The following SEMA6C variants were observed in gnomAD, a reference collection of about 807,000 sequenced individuals.
The protein encoded by SEMA6C is semaphorin 6C.
A neutral mutation model predicts 72.9 loss-of-function variants in SEMA6C; 37 were observed. The ratio of observed to expected loss-of-function variants is 0.51; its 90% CI spans 0.39 to 0.67. The LOEUF is 0.67. SEMA6C is among the 30% of genes least tolerant of loss of function. SEMA6C has a pLI of 0.00. For synonymous variants in SEMA6C, 578 were observed against 554.1 expected, an observed-to-expected ratio of 1.04 and a Z score of -0.61; for missense variants, 1,189 against 1,263.6, an observed-to-expected ratio of 0.94 and a Z score of 0.89.
chr1:151,141,307 A>G (rs1440362274), intron 3 of SEMA6C, among the ~76,000 whole-genome samples: 1 of 152,228 alleles, frequency 6.6e-6, no homozygotes, highest in African/African-American at 2.4e-5. Context: ...TAAGAATAAC[A>G]GGAAACACAT....
rs1373183738 is a variant in SEMA6C at position 151,133,902 on chromosome 1, G to C, written c.1760-385C>G. 7.3e-7 allele frequency: 1 copy of C among 1,373,724 alleles called. No individual in the cohort carries two copies. Among genetic ancestry groups the C allele is most frequent in the African/African-American group, 1.4e-5 (1 of 69,538 alleles). The allele number at this position is 1,373,724 out of a possible 1,614,324, so 85.1% of individuals were successfully genotyped here. On this transcript the variant is annotated intron_variant, in intron 18 of 18. Transcript: ENST00000368914. The surrounding 1 kb of genome is among the most constrained non-coding windows in gnomAD (Gnocchi z 5.9). ...CACCATTCAGTGAGGGGCTTAGAAC[G>C]CTCCGAGAATCAGCAGCCCCACACT...
rs1272043877 is a variant in SEMA6C, at chr1:151,132,915, C to A, written c.2362G>T (p.Ala788Ser). 3 of 1,377,178 alleles carry A rather than the reference C, an allele frequency of 2.2e-6. No homozygotes were observed. The East Asian group carries it at 1.1e-4, about 50-fold the overall frequency. The allele number at this position is 1,377,178 out of a possible 1,614,324, so 85.3% of individuals were successfully genotyped here. Residue 788 changes from alanine to serine, a missense_variant, in exon 19 of 19, where the codon GCC (alanine) becomes TCC (serine). Ala to Ser is a moderately conservative substitution (Grantham distance 99). Coordinates refer to ENST00000368914, the MANE Select transcript of SEMA6C (RefSeq NM_030913.6). The stretch of plus-strand genomic sequence containing the variant: ...GGGAGCGCCCGCGAGGTTAAAGGGG[C>A]GGGGGGCTCGGCCCCCTTTCTGGGC... ...QPPRKGAEPP[A>S]PLTSRALPPE... is the part of the protein sequence containing the mutation.
intron 10 of SEMA6C, among the ~76,000 whole-genome samples, chr1:151,137,338 C>T (rs587629483): frequency 2.7e-5 from 4 of 150,002 alleles, no homozygotes; most frequent in Non-Finnish European, 4.4e-5. Flanking sequence ...CCCAGCTGCT[C>T]GGGAGGCTGA....
chr1:151,132,091 A>T lies in SEMA6C; in HGVS notation c.*393T>A. 1.4e-6 allele frequency: 1 copy of T among 738,278 alleles called. No individual in the cohort carries two copies. Among genetic ancestry groups the T allele is most frequent in the Non-Finnish European group, 1.9e-6 (1 of 525,026 alleles). 45.7% of individuals were successfully genotyped at this position (738,278 alleles called of 1,614,324 possible). A position where few individuals can be genotyped will look rare whatever the true frequency, so the allele number is the denominator to read the frequency against. On this transcript the variant is annotated 3_prime_UTR_variant, in exon 19 of 19. Transcript: ENST00000368914. ...GCTGTATTGGGAAGCGGAGGCTCCTACACAGTAGGAGAGGCACGTCCCAGA... is the reference window on the plus strand; with the variant it reads ...GCTGTATTGGGAAGCGGAGGCTCCTTCACAGTAGGAGAGGCACGTCCCAGA...
chr1:151,136,720 AG>A, intron 11 of SEMA6C, 136 bp downstream of exon 11: 1 of 1,353,710 alleles, frequency 7.4e-7, no homozygotes, highest in South Asian at 1.3e-5. Context: ...CCACACTAGG[AG>A]AAAAAATGGC....
chr1:151,132,907 T>C lies in SEMA6C; in HGVS notation c.2370A>G (p.Leu790=). 7.4e-7 allele frequency: 1 copy of C among 1,359,564 alleles called. No individual in the cohort carries two copies. The highest frequency in any genetic ancestry group is 9.5e-7 in the Non-Finnish European group (1 of 1,057,586). 84.2% of individuals were successfully genotyped at this position (1,359,564 alleles called of 1,614,324 possible). A position where few individuals can be genotyped will look rare whatever the true frequency, so the allele number is the denominator to read the frequency against. The change falls in exon 19 of 19, where the codon TTA becomes TTG. Residue 790 remains leucine, a synonymous_variant. Coordinates refer to ENST00000368914, the MANE Select transcript of SEMA6C (RefSeq NM_030913.6). ...GCTCCGGCGGGAGCGCCCGCGAGGT[T>C]AAAGGGGCGGGGGGCTCGGCCCCCT... ...PRKGAEPPAP[L]TSRALPPEPA... is the part of the protein sequence containing the mutation.
chr1:151,134,651 GT>G lies in SEMA6C; in HGVS notation c.1682del (p.Asn561ThrfsTer190). ...SGGTDVDQAG[N>X]QESMEHGDCQ... The stretch of plus-strand genomic sequence containing the variant: ...AGTCACCATGCTCCATGGATTCCTG[GT>G]TCCCAGCCTGATCCACATCAGTCCT... On this transcript the variant is annotated frameshift_variant, in exon 17 of 19. Transcript: ENST00000368914. LOFTEE classifies it high-confidence loss of function. 1 of 1,614,166 alleles carries G rather than the reference GT, an allele frequency of 6.2e-7. No homozygotes were observed. Among genetic ancestry groups the G allele is most frequent in the Non-Finnish European group, 8.5e-7 (1 of 1,180,024 alleles).
rs746026724 is a variant in SEMA6C at position 151,138,132 on chromosome 1, G to C, written c.548-27C>G. On this transcript the variant is annotated intron_variant, in intron 8 of 18. Transcript: ENST00000368914. ...TGGAGGGATGGGTGGAGTGGGGTCA[G>C]GGGAGGGCTCAGGGATCTGTATCCT... 10 of 1,612,020 alleles carry C rather than the reference G, an allele frequency of 6.2e-6. No homozygotes were observed. The East Asian group carries it at 2.0e-4, about 32-fold the overall frequency.
At chr1:151,138,508 G>T in intron 7 of SEMA6C, 102 bp from the exon 8 acceptor site, 1 of 1,416,194 alleles carries the variant, frequency 7.1e-7, no homozygotes, top group Non-Finnish European at 9.8e-7. Flanking sequence ...AACCCCTCTG[G>T]ACCCTTGCAT....
rs943675015 is a variant in SEMA6C, at chr1:151,140,078, A to G, written c.131T>C (p.Leu44Ser). 1 of 1,613,848 alleles carries G rather than the reference A, an allele frequency of 6.2e-7. No individual in the cohort carries two copies. Among genetic ancestry groups the G allele is most frequent in the African/African-American group, 1.3e-5 (1 of 74,926 alleles). ...LISDLQGTSP[L>S]SWFRGLEDDA... ...ATCCTCCAGGCCCCGAAACCAGGATAATGGGGAAGTACCTTGAGGACACAG... is the reference window on the plus strand; with the variant it reads ...ATCCTCCAGGCCCCGAAACCAGGATGATGGGGAAGTACCTTGAGGACACAG... The change falls in exon 4 of 19, where the codon TTA becomes TCA. Residue 44 changes from leucine (L) to serine (S), a missense_variant. Physicochemically the swap from Leu to Ser is moderately radical, Grantham distance 145. This residue lies in a region of SEMA6C where 468 missense variants were observed against 577.4 expected (regional missense o/e 0.81). Transcript: ENST00000368914.
chr1:151,134,943 T>A (rs1681895942), intron 15 of SEMA6C, 68 bp from the exon 16 acceptor site: 6 of 1,490,862 alleles, frequency 4.0e-6, no homozygotes, highest in Admixed American at 1.7e-5. Flanking sequence ...TCTGCTGCCT[T>A]TTCCCACCCT....
Position 151,134,649 on chromosome 1 carries a change from T to G in SEMA6C, c.1685A>C (p.Gln562Pro), listed in dbSNP as rs746339294. ...GGTDVDQAGNQESMEHGDCQD... is the reference protein window; with the variant it reads ...GGTDVDQAGNPESMEHGDCQD... ...GCAGTCACCATGCTCCATGGATTCC[T>G]GGTTCCCAGCCTGATCCACATCAGT... is the stretch of plus-strand genomic sequence containing the variant. Residue 562 changes from glutamine to proline, a missense_variant, in exon 17 of 19, where the codon CAG (glutamine) becomes CCG (proline). By Grantham distance (76) the Gln-to-Pro change is moderately conservative (BLOSUM62 -1). Coordinates refer to ENST00000368914, the MANE Select transcript of SEMA6C (RefSeq NM_030913.6). The G allele has an allele frequency of 2.7e-5, 43 of 1,614,176 alleles. No individual in the cohort carries two copies. In the African/African-American group the frequency reaches 4.1e-4, roughly 16 times the overall value.
Position 151,134,699 on chromosome 1 carries a change from T to A in SEMA6C, c.1659-24A>T, listed in dbSNP as rs202241164. ...TCCTAGGAGGAAAACGAAGTGGCTATAGAATTCTGTACGTTGTCCGTATCT... is the reference window on the plus strand; with the variant it reads ...TCCTAGGAGGAAAACGAAGTGGCTAAAGAATTCTGTACGTTGTCCGTATCT... On this transcript the variant is annotated intron_variant, in intron 16 of 18. Coordinates refer to ENST00000368914, the MANE Select transcript of SEMA6C (RefSeq NM_030913.6). 4.8e-3 allele frequency: 7,666 copies of A among 1,613,854 alleles called. 32 individuals carry two copies. Among genetic ancestry groups the A allele is most frequent in the Middle Eastern group, 0.011 (65 of 6,062 alleles).
intron 14 of SEMA6C, 92 bp downstream of exon 14, chr1:151,135,499 A>G (rs1681941407): frequency 6.7e-7 from 1 of 1,495,560 alleles, no homozygotes; most frequent in East Asian, 2.3e-5. Flanking sequence ...GCAAAAGCCA[A>G]TGTTGATGTT....
rs1413759475 is a variant in SEMA6C, at chr1:151,133,515, C to T, written c.1762G>A (p.Val588Met). The T allele has an allele frequency of 2.7e-6, 4 of 1,507,610 alleles. No homozygotes were observed. Among genetic ancestry groups the T allele is most frequent in the East Asian group, 2.5e-5 (1 of 40,306 alleles). The allele number at this position is 1,507,610 out of a possible 1,614,324, so 93.4% of individuals were successfully genotyped here. The change falls in exon 19 of 19, where the codon GTG (valine) becomes ATG (methionine). Residue 588 changes from valine to methionine, a missense_variant and splice_region_variant. Val to Met is a conservative substitution (Grantham distance 21). Around this residue, in one of 2 missense-constraint regions of SEMA6C, gnomAD observed 721 missense variants for 686.2 expected, o/e 1.05. Transcript: ENST00000368914. The surrounding 1 kb of genome is among the most constrained non-coding windows in gnomAD (Gnocchi z 5.9). The stretch of plus-strand genomic sequence containing the variant: ...GAGGCTGGGGGCAGGTCCCGGCGCA[C>T]GCCTGCCGACCGAGAGGGAGGAGGG... ...QSGPGDSAYG[V>M]RRDLPPASAS...
chr1:151,136,234 C>T (rs887651745), intron 12 of SEMA6C, 71 bp from the exon 13 acceptor site: 15 of 1,586,144 alleles, frequency 9.5e-6, no homozygotes, highest in Non-Finnish European at 1.3e-5. Flanking sequence ...GTGCCCCCTA[C>T]TGCTCCCAAA....
chr1:151,134,477 G>T (rs867320835), intron 17 of SEMA6C, 32 bp from the exon 18 acceptor site: 2 of 1,608,660 alleles, frequency 1.2e-6, no homozygotes, highest in South Asian at 2.2e-5. Context: ...AAGATGGGGG[G>T]AAAGAGAAGC....
rs1003488317 is a variant in SEMA6C, at chr1:151,136,902, T to A, written c.929A>T (p.His310Leu). ...GACCCCAAAGAGAGCAGAGCGGCCA[T>A]GCAGGTTCACAGGCCCAGTCAAGGC... is the stretch of plus-strand genomic sequence containing the variant. Reference protein sequence around the residue: ...LQALTGPVNLHGRSALFGVFT... With the variant: ...LQALTGPVNLLGRSALFGVFT... The change falls in exon 11 of 19, where the codon CAT (histidine) becomes CTT (leucine). Residue 310 changes from histidine (H) to leucine (L), a missense_variant. Physicochemically the swap from His to Leu is moderately conservative, Grantham distance 99. This residue lies in a region of SEMA6C where 468 missense variants were observed against 577.4 expected (regional missense o/e 0.81). Coordinates refer to ENST00000368914, the MANE Select transcript of SEMA6C (RefSeq NM_030913.6). 6.2e-6 allele frequency: 10 copies of A among 1,613,990 alleles called. No homozygotes were observed. Among genetic ancestry groups the A allele is most frequent in the Non-Finnish European group, 8.5e-6 (10 of 1,180,014 alleles).
In SEMA6C at chr1:151,133,141, G is replaced by T; in HGVS notation, c.2136C>A (p.Leu712=). ...ESTPELPVKH[L]RAAGDPWEWN... ...ACTCCCAGGGGTCCCCGGCGGCGCG[G>T]AGGTGCTTGACCGGCAGCTCCGGCG... The change falls in exon 19 of 19, where the codon CTC becomes CTA. Residue 712 remains leucine, a synonymous_variant. Transcript: ENST00000368914. This position sits in a 1 kb window ranked among gnomAD's most constrained non-coding sequence, Gnocchi z 5.9. 6.4e-7 allele frequency: 1 copy of T among 1,560,436 alleles called. No individual in the cohort carries two copies. Among genetic ancestry groups the T allele is most frequent in the East Asian group, 2.3e-5 (1 of 43,208 alleles).
Sources: gnomAD v4.1 joint callset for allele counts (sites outside exome capture counted in the v4.1 genomes callset) on GRCh38, gnomAD v4.1.1 for gene constraint, gnomAD v4.1.1 regional missense constraint, Gnocchi (gnomAD v3.1) non-coding constraint, MANE v1.5 for transcripts, NCBI Gene and HGNC (gene_info 2026-07-23, HGNC 2026-07-21) for gene names.